CAMK1D: variants seen among roughly 807,000 people sequenced by gnomAD.
CAMK1D encodes the protein calcium/calmodulin-dependent protein kinase type 1D.
In CAMK1D, 9 loss-of-function variants were observed where a neutral mutation model predicts 47.7. The ratio of observed to expected loss-of-function variants is 0.19; its 90% CI spans 0.11 to 0.33. CAMK1D has a LOEUF of 0.33. Among genes scored for constraint, CAMK1D ranks in the 10% least tolerant of loss-of-function variants. The pLI is 1.00. For missense variants in CAMK1D, 291 were observed against 488.7 expected, an observed-to-expected ratio of 0.60 and a Z score of 3.81; for synonymous variants, 184 against 184.9, an observed-to-expected ratio of 0.99 and a Z score of 0.04.
intron 1 of CAMK1D, among the ~76,000 whole-genome samples, chr10:12,375,462 C>T (rs900185582): frequency 6.6e-6 from 1 of 152,172 alleles, no homozygotes; most frequent in Non-Finnish European, 1.5e-5. Context: ...TGCCCTGCCT[C>T]CCCCCTCACC....
chr10:12,736,292 C>T (rs1835182401), intron 3 of CAMK1D, among the ~76,000 whole-genome samples: 2 of 152,166 alleles, frequency 1.3e-5, no homozygotes, highest in Admixed American at 1.3e-4. Flanking sequence ...CACCACCTTC[C>T]CCTCGGCGTC....
intron 1 of CAMK1D, among the ~76,000 whole-genome samples, chr10:12,353,147 T>A (rs1837401496): frequency 6.6e-6 from 1 of 152,196 alleles, no homozygotes; most frequent in South Asian, 2.1e-4. Context: ...TTCTGGTCCC[T>A]TCAGTGGGGA....
chr10:12,618,520 A>G (rs1052995206), intron 2 of CAMK1D, among the ~76,000 whole-genome samples: 3 of 152,202 alleles, frequency 2.0e-5, no homozygotes, highest in African/African-American at 7.2e-5. Context: ...ACCCTTGTTC[A>G]TGCCCCTTCA....
chr10:12,363,193 G>A (rs1004759433), intron 1 of CAMK1D, among the ~76,000 whole-genome samples: 11 of 151,588 alleles, frequency 7.3e-5, no homozygotes, highest in African/African-American at 1.9e-4. Context: ...CGCCCGCCTC[G>A]GCCTCCCAAA....
chr10:12,609,580 C>T (rs1423680423), intron 2 of CAMK1D, among the ~76,000 whole-genome samples: 1 of 152,162 alleles, frequency 6.6e-6, no homozygotes, highest in Non-Finnish European at 1.5e-5. Flanking sequence ...CCAGATCCCT[C>T]GCATGCGCAG....
chr10:12,786,707 C>T (rs1174587993), intron 5 of CAMK1D, among the ~76,000 whole-genome samples: 1 of 152,222 alleles, frequency 6.6e-6, no homozygotes, highest in Non-Finnish European at 1.5e-5. Flanking sequence ...TAGGCATGAG[C>T]CACTACATGT....
At chr10:12,674,248 T>A (rs939741321) in intron 3 of CAMK1D, among the ~76,000 whole-genome samples, 3 of 152,246 alleles carry the variant, frequency 2.0e-5, no homozygotes, top group Admixed American at 6.5e-5. Flanking sequence ...ATCTTTTCTG[T>A]CTGGGTCAGT....
chr10:12,711,531 T>A (rs1833936143), intron 3 of CAMK1D, among the ~76,000 whole-genome samples: 1 of 152,172 alleles, frequency 6.6e-6, no homozygotes, highest in Non-Finnish European at 1.5e-5. Flanking sequence ...TTTGTCAGAG[T>A]ATGGAGATCC....
chr10:12,427,004 T>G (rs1248916771), intron 1 of CAMK1D, among the ~76,000 whole-genome samples: 1 of 152,084 alleles, frequency 6.6e-6, no homozygotes, highest in Non-Finnish European at 1.5e-5. Flanking sequence ...CCTGAGCCAC[T>G]GTGCCCAGCC....
Position 12,381,927 on chromosome 10 carries a change from GA to G in CAMK1D, c.92+32026del, listed in dbSNP as rs11315381. Among the ~76,000 whole-genome samples, 1,092 of 150,544 alleles carry G rather than the reference GA, an allele frequency of 7.3e-3. 21 individuals are homozygous for G. The highest frequency in any genetic ancestry group is 0.025 in the African/African-American group (1,027 of 41,050). On this transcript the variant is annotated intron_variant, in intron 1 of 10. Coordinates refer to ENST00000619168, the MANE Select transcript of CAMK1D (RefSeq NM_153498.4). ...AAAGCAAGAGTAAAACGTTTTAAAA[GA>G]AAAAAAAACTGTTTTGCTATATACT...
At chr10:12,549,566 T>A (rs1336075334) in intron 1 of CAMK1D, among the ~76,000 whole-genome samples, 3 of 152,156 alleles carry the variant, frequency 2.0e-5, no homozygotes, top group African/African-American at 7.2e-5. Flanking sequence ...TAGACCTAGG[T>A]GTGGAGTTGC....
intron 3 of CAMK1D, among the ~76,000 whole-genome samples, chr10:12,699,739 A>G (rs1270378622): frequency 1.8e-4 from 27 of 151,762 alleles, no homozygotes; most frequent in Non-Finnish European, 1.5e-5. Flanking sequence ...TCAACTTGTT[A>G]AAACAAGTTA....
intron 1 of CAMK1D, among the ~76,000 whole-genome samples, chr10:12,419,546 A>C (rs1839975326): frequency 1.3e-5 from 2 of 151,908 alleles, no homozygotes; most frequent in South Asian, 4.1e-4. Context: ...TGGTTTTCTT[A>C]GTGCATAAAA....
intron 1 of CAMK1D, among the ~76,000 whole-genome samples, chr10:12,379,940 C>T (rs1039129765): frequency 7.9e-5 from 12 of 152,156 alleles, no homozygotes; most frequent in Admixed American, 5.9e-4. Context: ...GTTGGCCGGG[C>T]GCGGTGGCTC....
chr10:12,653,432 G>A (rs1196710549), intron 2 of CAMK1D, among the ~76,000 whole-genome samples: 1 of 152,202 alleles, frequency 6.6e-6, no homozygotes, highest in East Asian at 1.9e-4. Context: ...CACATACAAT[G>A]AACCACAAAC....
chr10:12,776,653 G>A (rs965731402), intron 5 of CAMK1D, among the ~76,000 whole-genome samples: 2 of 152,142 alleles, frequency 1.3e-5, no homozygotes, highest in East Asian at 3.9e-4. Flanking sequence ...CATTAACATC[G>A]ATTCACAGCC....
intron 1 of CAMK1D, among the ~76,000 whole-genome samples, chr10:12,494,076 T>C (rs1834465911): frequency 6.6e-6 from 1 of 152,114 alleles, no homozygotes; most frequent in Non-Finnish European, 1.5e-5. Context: ...GCAGTGCTGG[T>C]GGAGGGGGAA....
At chr10:12,784,791 G>A (rs566984809) in intron 5 of CAMK1D, among the ~76,000 whole-genome samples, 1 of 152,312 alleles carries the variant, frequency 6.6e-6, no homozygotes, top group South Asian at 2.1e-4. Flanking sequence ...GCCCAGTCGT[G>A]TGGAATTTGG....
chr10:12,763,698 A>T (rs1250138352), intron 4 of CAMK1D, among the ~76,000 whole-genome samples: 1 of 152,216 alleles, frequency 6.6e-6, no homozygotes, highest in Non-Finnish European at 1.5e-5. Flanking sequence ...GTTGAGAATC[A>T]CTGGAGTAGG....
Sources: allele counts gnomAD v4.1 joint callset (sites outside exome capture counted in the v4.1 genomes callset), GRCh38; gene constraint gnomAD v4.1.1; transcripts MANE v1.5; gene names NCBI Gene and HGNC (gene_info 2026-07-23, HGNC 2026-07-21).